The following ANKRD17 variants were observed in gnomAD, a reference collection of about 807,000 sequenced individuals.
ANKRD17 encodes the protein ankyrin repeat domain 17, also known as ankyrin repeat domain-containing protein 17.
In ANKRD17, 19 loss-of-function variants were observed where a neutral mutation model predicts 229.7. That is an observed-to-expected ratio of 0.08 (90% CI 0.06 to 0.12). The LOEUF (loss-of-function observed/expected upper bound fraction) is 0.12, where lower values mean the gene tolerates loss of function less well. Among genes scored for constraint, ANKRD17 ranks in the 10% least tolerant of loss-of-function variants. ANKRD17 has a pLI of 1.00. For missense variants in ANKRD17, 2,176 were observed against 3,176.8 expected (o/e 0.68, Z 7.57); for synonymous variants, 1,112 against 1,146.1 (o/e 0.97, Z 0.60).
intron 25 of ANKRD17, among the ~76,000 whole-genome samples, 183 bp downstream of exon 25, chr4:73,102,193 T>G (rs1379040781): frequency 1.3e-5 from 2 of 152,076 alleles, no homozygotes; most frequent in African/African-American, 4.8e-5. Context: ...ACTCTTAGAC[T>G]CAAGTGACTC....
chr4:73,142,438 T>C, intron 12 of ANKRD17, 53 bp from the exon 13 acceptor site: 2 of 1,580,624 alleles, frequency 1.3e-6, no homozygotes, highest in South Asian at 1.2e-5. Flanking sequence ...TAAGTTAGTT[T>C]ACAGAATCAC....
At chr4:73,252,187 T>C (rs941287153) in intron 1 of ANKRD17, among the ~76,000 whole-genome samples, 2 of 152,216 alleles carry the variant, frequency 1.3e-5, no homozygotes, top group African/African-American at 4.8e-5. Context: ...TGGTACTGTA[T>C]AGCAGGAGAT....
At chr4:73,208,293 A>G (rs190604675) in intron 1 of ANKRD17, among the ~76,000 whole-genome samples, 5 of 152,172 alleles carry the variant, frequency 3.3e-5, no homozygotes, top group Non-Finnish European at 7.4e-5. Context: ...TCTAATGCCC[A>G]TAAAAAACTC....
intron 26 of ANKRD17, 136 bp downstream of exon 26, chr4:73,097,937 T>C (rs545849515): frequency 7.4e-6 from 5 of 679,814 alleles, no homozygotes; most frequent in South Asian, 5.2e-5. Flanking sequence ...TTCAATTCAA[T>C]TGAAACAGTA....
chr4:73,164,487 G>A (rs1732963599), intron 2 of ANKRD17, among the ~76,000 whole-genome samples: 1 of 152,106 alleles, frequency 6.6e-6, no homozygotes, highest in Admixed American at 6.5e-5. Flanking sequence ...TCCAGCTATT[G>A]AATATTAAAG....
intron 27 of ANKRD17, among the ~76,000 whole-genome samples, chr4:73,096,204 A>G (rs1355990107): frequency 6.6e-6 from 1 of 152,220 alleles, no homozygotes; most frequent in Non-Finnish European, 1.5e-5. Flanking sequence ...TTTTTAACCT[A>G]AAGAGCATGA....
chr4:73,191,341 ATGTGTGTGTGTGTGTGTGTGTGTGTGTG>A (rs71655741), intron 1 of ANKRD17, among the ~76,000 whole-genome samples: 1 of 125,244 alleles, frequency 8.0e-6, no homozygotes, highest in African/African-American at 3.1e-5. Context: ...AAAAATATAT[ATGTGTGTGTGTGTGTGTGTGTGTGTGTG>A]TGTGTGTGTG....
At chr4:73,118,904 T>TG (rs11451282) in intron 21 of ANKRD17, 54 bp from the exon 22 acceptor site, 7 of 1,404,698 alleles carry the variant, frequency 5.0e-6, no homozygotes, top group Non-Finnish European at 6.8e-6. Flanking sequence ...TTTTTTTTTT[T>TG]GATACAGGGT....
chr4:73,142,109 G>A (rs1039425188), intron 13 of ANKRD17, 133 bp downstream of exon 13: 1 of 943,800 alleles, frequency 1.1e-6, no homozygotes, highest in Non-Finnish European at 1.5e-6. Context: ...TTCATTAACT[G>A]TATCAAGTAC....
chr4:73,155,925 C>A, intron 4 of ANKRD17, 94 bp downstream of exon 4: 1 of 1,498,174 alleles, frequency 6.7e-7, no homozygotes, highest in East Asian at 2.3e-5. Flanking sequence ...TTGAAATAAT[C>A]CTAATGGTTG....
chr4:73,217,824 T>A (rs1741286109), intron 1 of ANKRD17, among the ~76,000 whole-genome samples: 1 of 152,188 alleles, frequency 6.6e-6, no homozygotes, highest in African/African-American at 2.4e-5. Flanking sequence ...AAGGTATATA[T>A]AAAACATAAG....
intron 25 of ANKRD17, chr4:73,100,928 A>C (rs1212559716): frequency 1.0e-6 from 1 of 985,316 alleles, no homozygotes; most frequent in African/African-American, 1.7e-5. Flanking sequence ...AGTCCTCTTT[A>C]TCCATAGATT....
At position 73,225,861 on chromosome 4, in the gene ANKRD17, CAAAAAAAAAAAA is replaced by C. The variant is rs375866026; in HGVS notation, c.393+32403_393+32414del. On this transcript the variant is annotated intron_variant, in intron 1 of 33. Transcript: ENST00000358602. ...TGGGCAACAGGGCAAGACTCTGTCT[CAAAAAAAAAAAA>C]AAAAAAAAAAAAGAAAGAAAAGAAA... Among the ~76,000 whole-genome samples the C allele has an allele frequency of 9.0e-5, 6 of 66,702 alleles. No homozygotes were observed. In the South Asian group the frequency reaches 2.7e-3, roughly 29 times the overall value. 43.8% of individuals were successfully genotyped at this position (66,702 alleles called of 152,430 possible). A position where few individuals can be genotyped will look rare whatever the true frequency, so the allele number is the denominator to read the frequency against.
At chr4:73,215,523 G>C (rs1578422295) in intron 1 of ANKRD17, among the ~76,000 whole-genome samples, 3 of 152,282 alleles carry the variant, frequency 2.0e-5, no homozygotes, top group Non-Finnish European at 2.9e-5. Flanking sequence ...CTCCCAAAGT[G>C]CTGGGATTAT....
chr4:73,121,782 T>A lies in ANKRD17; in HGVS notation c.3493-23A>T, dbSNP rs779677504. On this transcript the variant is annotated intron_variant, in intron 18 of 33. Transcript: ENST00000358602. ...CACCTGAAAATAAAATAGAAAAAAA[T>A]ATGTTTTCTTATGGAGAGACAAATT... The A allele has an allele frequency of 8.9e-6, 14 of 1,567,084 alleles. No individual in the cohort carries two copies. The East Asian group carries it at 2.9e-4, about 33-fold the overall frequency.
chr4:73,101,631 C>T (rs946116751), intron 25 of ANKRD17, among the ~76,000 whole-genome samples: 6 of 132,980 alleles, frequency 4.5e-5, no homozygotes, highest in African/African-American at 1.7e-4. Flanking sequence ...TAATACTGCA[C>T]TCCAGTCTGG....
At chr4:73,151,052 G>C (rs1022270951) in intron 7 of ANKRD17, among the ~76,000 whole-genome samples, 4 of 151,860 alleles carry the variant, frequency 2.6e-5, no homozygotes, top group African/African-American at 9.7e-5. Flanking sequence ...ATAGAGAGGG[G>C]GTCTTGGTAT....
Position 73,154,133 on chromosome 4 carries a change from T to C in ANKRD17, c.1001-20A>G, listed in dbSNP as rs745491269. 6.7e-7 allele frequency: 1 copy of C among 1,497,298 alleles called. No homozygotes were observed. The highest frequency in any genetic ancestry group is 1.4e-5 in the South Asian group (1 of 72,924). The allele number at this position is 1,497,298 out of a possible 1,614,324, so 92.8% of individuals were successfully genotyped here. ...TATTGCCTATTTTAATTAGGAAAAA[T>C]AAAAAGACATTAACATAAAATACCA... is the stretch of plus-strand genomic sequence containing the variant. On this transcript the variant is annotated intron_variant, in intron 5 of 33. Coordinates refer to ENST00000358602, the MANE Select transcript of ANKRD17 (RefSeq NM_032217.5).
intron 14 of ANKRD17, among the ~76,000 whole-genome samples, chr4:73,141,005 A>G (rs1729529179): frequency 6.6e-6 from 1 of 152,216 alleles, no homozygotes; most frequent in Non-Finnish European, 1.5e-5. Flanking sequence ...ATTGTTTGCT[A>G]TACCAACTGA....
Sources: allele counts gnomAD v4.1 joint callset (sites outside exome capture counted in the v4.1 genomes callset), GRCh38; gene constraint gnomAD v4.1.1; transcripts MANE v1.5; gene names NCBI Gene and HGNC (gene_info 2026-07-23, HGNC 2026-07-21).